The following SLC15A1 variants were observed in gnomAD, a reference collection of about 807,000 sequenced individuals.
SLC15A1 encodes solute carrier family 15 member 1.
In SLC15A1, 83 loss-of-function variants were observed where a neutral mutation model predicts 92.9. That is an observed-to-expected ratio of 0.89 (90% confidence interval 0.75 to 1.07). SLC15A1 has a LOEUF of 1.07. SLC15A1 is among the 50% of genes least tolerant of loss of function. The pLI, the probability that SLC15A1 is intolerant of heterozygous loss-of-function variation, is 0.00. For synonymous variants in SLC15A1, 322 were observed against 318.2 expected (o/e 1.01, Z -0.13); for missense variants, 857 against 880.1 (o/e 0.97, Z 0.33).
rs2088135846 is a variant in SLC15A1, at chr13:98,708,717, A to G, written c.1118T>C (p.Val373Ala). ...VGMVLASMAFVVAAIVQVEID... is the reference protein window; with the variant it reads ...VGMVLASMAFAVAAIVQVEID... ...TTCCACCTGCACGATGGCAGCCACC[A>G]CAAAGGCCATGGAGGCCAGGACCAT... Residue 373 changes from valine to alanine, a missense_variant, in exon 15 of 23, where the codon GTG becomes GCG. Val to Ala is a moderately conservative substitution (Grantham distance 64). Transcript: ENST00000376503. 2 of 1,613,512 alleles carry G rather than the reference A, an allele frequency of 1.2e-6. No homozygotes were observed. Among genetic ancestry groups the G allele is most frequent in the Admixed American group, 3.3e-5 (2 of 59,910 alleles).
chr13:98,741,257 G>A (rs1489283948), intron 1 of SLC15A1, among the ~76,000 whole-genome samples: 1 of 152,206 alleles, frequency 6.6e-6, no homozygotes, highest in Non-Finnish European at 1.5e-5. Context: ...TGCTGGGACC[G>A]CCATGAAGGC....
In SLC15A1 at chr13:98,712,416, T is replaced by C. The variant is rs112558799; in HGVS notation, c.810+82A>G. On this transcript the variant is annotated intron_variant, in intron 10 of 22. Transcript: ENST00000376503. Reference sequence around the variant, plus strand: ...AAGGTATCACTGACCATTTTGTCCATGTAACCTTAATCTGAATTGAGATTT... The same window carrying C: ...AAGGTATCACTGACCATTTTGTCCACGTAACCTTAATCTGAATTGAGATTT... 2.2e-5 allele frequency: 24 copies of C among 1,108,304 alleles called. 1 individual carries two copies. In the African/African-American group the frequency reaches 2.3e-4, roughly 11 times the overall value. The allele number at this position is 1,108,304 out of a possible 1,614,324, so 68.7% of individuals were successfully genotyped here. A position where few individuals can be genotyped will look rare whatever the true frequency, so the allele number is the denominator to read the frequency against.
At chr13:98,716,787 G>A (rs2088214491) in intron 8 of SLC15A1, among the ~76,000 whole-genome samples, 1 of 152,122 alleles carries the variant, frequency 6.6e-6, no homozygotes, top group African/African-American at 2.4e-5. Context: ...AAAATTAATT[G>A]CATCTGCAGC....
chr13:98,703,783 C>A (rs1393208614), intron 17 of SLC15A1, among the ~76,000 whole-genome samples: 1 of 151,888 alleles, frequency 6.6e-6, no homozygotes, highest in African/African-American at 2.4e-5. Flanking sequence ...GGTTTCACAG[C>A]TTTTTATGTG....
At chr13:98,725,516 A>C (rs1375978418) in intron 4 of SLC15A1, among the ~76,000 whole-genome samples, 1 of 152,094 alleles carries the variant, frequency 6.6e-6, no homozygotes, top group African/African-American at 2.4e-5. Flanking sequence ...CCAGACCTTA[A>C]CTCCATGCCT....
chr13:98,715,772 T>C, intron 9 of SLC15A1, 106 bp downstream of exon 9: 2 of 915,308 alleles, frequency 2.2e-6, no homozygotes, highest in Admixed American at 2.3e-5. Context: ...TTAAGAACAC[T>C]AAAAATATAT....
chr13:98,705,498 C>A (rs1219359371), intron 16 of SLC15A1, among the ~76,000 whole-genome samples: 2 of 152,186 alleles, frequency 1.3e-5, no homozygotes, highest in Non-Finnish European at 2.9e-5. Flanking sequence ...GCATCAAAAT[C>A]TCCCCCAGTT....
intron 15 of SLC15A1, among the ~76,000 whole-genome samples, chr13:98,707,247 C>A (rs2088119600): frequency 6.6e-6 from 1 of 152,176 alleles, no homozygotes; most frequent in African/African-American, 2.4e-5. Context: ...GTGCAGGTAA[C>A]CCAAGTGCCT....
intron 18 of SLC15A1, among the ~76,000 whole-genome samples, chr13:98,701,264 A>G (rs1474700088): frequency 6.6e-6 from 1 of 152,176 alleles, no homozygotes; most frequent in African/African-American, 2.4e-5. Context: ...TTAGATTTAT[A>G]TCTAAGTATT....
chr13:98,741,943 A>G (rs1335484967), intron 1 of SLC15A1, among the ~76,000 whole-genome samples: 1 of 152,214 alleles, frequency 6.6e-6, no homozygotes, highest in Non-Finnish European at 1.5e-5. Context: ...TAACTTAGAA[A>G]CCATGTGGGG....
At chr13:98,736,816 T>G (rs1258533856) in intron 1 of SLC15A1, among the ~76,000 whole-genome samples, 6 of 152,196 alleles carry the variant, frequency 3.9e-5, no homozygotes, top group African/African-American at 1.4e-4. Context: ...CCAGTTAGAA[T>G]GGCGATCATT....
intron 5 of SLC15A1, 53 bp downstream of exon 5, chr13:98,723,859 C>T: frequency 6.2e-6 from 10 of 1,609,690 alleles, no homozygotes; most frequent in Non-Finnish European, 8.5e-6. Context: ...CTTAAGGCAT[C>T]AAATGCGCAC....
intron 11 of SLC15A1, 47 bp downstream of exon 11, chr13:98,711,803 GGGAT>G: frequency 1.5e-6 from 2 of 1,362,400 alleles, no homozygotes; most frequent in East Asian, 4.6e-5. Flanking sequence ...CTGGCAGTGC[GGGAT>G]GTACGCTTGC....
chr13:98,691,636 C>T (rs1339988042), intron 18 of SLC15A1, among the ~76,000 whole-genome samples: 4 of 152,168 alleles, frequency 2.6e-5, no homozygotes, highest in African/African-American at 7.2e-5. Flanking sequence ...CTGATTAATA[C>T]GTAGCCCACT....
intron 18 of SLC15A1, among the ~76,000 whole-genome samples, chr13:98,695,020 CAAAA>C (rs1170231960): frequency 5.4e-5 from 4 of 73,692 alleles, no homozygotes; most frequent in African/African-American, 1.6e-4. Context: ...GACTCCGTCT[CAAAA>C]AAAAAAAAAA....
At chr13:98,720,300 A>C (rs570412885) in intron 7 of SLC15A1, among the ~76,000 whole-genome samples, 1 of 152,244 alleles carries the variant, frequency 6.6e-6, no homozygotes, top group Non-Finnish European at 1.5e-5. Context: ...TTTGTAAGAG[A>C]GTCATGAACT....
At chr13:98,688,435 A>G (rs2087948987) in intron 19 of SLC15A1, 35 bp downstream of exon 19, 1 of 1,606,758 alleles carries the variant, frequency 6.2e-7, no homozygotes, top group African/African-American at 1.3e-5. Context: ...AAAATTCTTG[A>G]ACCTTTGAGT....
chr13:98,741,473 C>T (rs765447880), intron 1 of SLC15A1, among the ~76,000 whole-genome samples: 87 of 152,094 alleles, frequency 5.7e-4, no homozygotes, highest in Non-Finnish European at 7.4e-5. Context: ...ATTAGCTACA[C>T]TCCTGCAATC....
Position 98,688,461 on chromosome 13 carries a change from G to T in SLC15A1, c.1574+9C>A. On this transcript the variant is annotated intron_variant, in intron 19 of 22. Transcript: ENST00000376503. ...ACCTTTGAGTGAAGCATTCAGTCTC[G>T]GTACTTACATGCCAGAAGGAAAAAA... 4 of 1,611,282 alleles carry T rather than the reference G, an allele frequency of 2.5e-6. No individual in the cohort carries two copies. Among genetic ancestry groups the T allele is most frequent in the African/African-American group, 1.3e-5 (1 of 74,924 alleles).
Sources: allele counts gnomAD v4.1 joint callset (sites outside exome capture counted in the v4.1 genomes callset), GRCh38; gene constraint gnomAD v4.1.1; transcripts MANE v1.5; gene names NCBI Gene and HGNC (gene_info 2026-07-23, HGNC 2026-07-21).